Variants in ROCK2 observed in about 807,000 individuals in gnomAD.
The protein encoded by ROCK2 is Rho associated coiled-coil containing protein kinase 2.
In ROCK2, 61 loss-of-function variants were observed where a neutral mutation model predicts 195.1. The observed-to-expected ratio is 0.31, with a 90% CI of 0.25 to 0.39. The LOEUF (loss-of-function observed/expected upper bound fraction) is 0.39, where lower values mean the gene tolerates loss of function less well. Among genes scored for constraint, ROCK2 ranks in the 10% least tolerant of loss-of-function variants. The pLI is 1.00. For missense variants in ROCK2, 1,109 were observed against 1,637.4 expected (o/e 0.68, Z 5.57); for synonymous variants, 504 against 545.5 (o/e 0.92, Z 1.06).
At chr2:11,326,425 C>A (rs539815743) in intron 1 of ROCK2, among the ~76,000 whole-genome samples, 1 of 151,986 alleles carries the variant, frequency 6.6e-6, no homozygotes, top group Non-Finnish European at 1.5e-5. Context: ...GATCTTGGAG[C>A]GAGCAGTTTT....
At position 11,215,291 on chromosome 2, in the gene ROCK2, G is replaced by A. The variant is rs750939949; in HGVS notation, c.1689+30C>T. 9.2e-6 allele frequency: 14 copies of A among 1,520,406 alleles called. 1 individual carries two copies. The South Asian group carries it at 1.6e-4, about 17-fold the overall frequency. 94.2% of individuals were successfully genotyped at this position (1,520,406 alleles called of 1,614,324 possible). A position where few individuals can be genotyped will look rare whatever the true frequency, so the allele number is the denominator to read the frequency against. ...GTTATCGCGTTAAAAATAAAACCCA[G>A]TATCTTTACTACAAATTAGATCCAC... On this transcript the variant is annotated intron_variant, in intron 15 of 32. Coordinates refer to ENST00000315872, the MANE Select transcript of ROCK2 (RefSeq NM_004850.5).
At chr2:11,216,227 A>G (rs750481384) in intron 12 of ROCK2, 21 bp from the exon 13 acceptor site, 2 of 1,506,580 alleles carry the variant, frequency 1.3e-6, no homozygotes, top group Non-Finnish European at 9.2e-7. Context: ...TCAGAAAGAA[A>G]CAGTAAATAA....
chr2:11,211,194 G>A (rs966458921), intron 18 of ROCK2, among the ~76,000 whole-genome samples: 8 of 152,098 alleles, frequency 5.3e-5, no homozygotes, highest in Non-Finnish European at 1.0e-4. Flanking sequence ...CATCATGTTA[G>A]AGATCAAAAT....
chr2:11,283,430 G>A (rs537744475), intron 3 of ROCK2, among the ~76,000 whole-genome samples: 7 of 148,102 alleles, frequency 4.7e-5, no homozygotes, highest in African/African-American at 1.5e-4. Context: ...GCGCGGTGGC[G>A]GGCGCCTGTA....
At chr2:11,292,629 C>T (rs1473716633) in intron 1 of ROCK2, among the ~76,000 whole-genome samples, 1 of 152,154 alleles carries the variant, frequency 6.6e-6, no homozygotes, top group Non-Finnish European at 1.5e-5. Flanking sequence ...CAGTTAGTTA[C>T]AGAGCATAGG....
chr2:11,325,229 A>G (rs1668511924), intron 1 of ROCK2, among the ~76,000 whole-genome samples: 1 of 152,212 alleles, frequency 6.6e-6, no homozygotes. Context: ...ACCAAAGGCA[A>G]GGCTACTTTT....
chr2:11,330,745 GA>G (rs1668696841), intron 1 of ROCK2, among the ~76,000 whole-genome samples: 1 of 110,846 alleles, frequency 9.0e-6, no homozygotes, highest in Non-Finnish European at 2.0e-5. Flanking sequence ...GAGGAGGGAG[GA>G]GGGAGGAGGA....
chr2:11,296,460 A>G (rs1025810919), intron 1 of ROCK2, among the ~76,000 whole-genome samples: 2 of 152,194 alleles, frequency 1.3e-5, no homozygotes, highest in African/African-American at 4.8e-5. Context: ...GTTTGTCTAT[A>G]TGGTTTCCAC....
rs373738437 is a variant in ROCK2 at position 11,227,619 on chromosome 2, T to C, written c.724-221A>G. 1.6e-3 allele frequency among the ~76,000 whole-genome samples: 249 copies of C among 152,272 alleles called. 1 individual carries two copies. Among genetic ancestry groups the C allele is most frequent in the African/African-American group, 5.3e-3 (220 of 41,554 alleles). ...TAGGAATAAACTGTGAACTCTAAAA[T>C]ACAGGAGGCTTCCTCAATGAAAGAA... is the stretch of plus-strand genomic sequence containing the variant. On this transcript the variant is annotated intron_variant, in intron 5 of 32. Coordinates refer to ENST00000315872, the MANE Select transcript of ROCK2 (RefSeq NM_004850.5).
At chr2:11,288,535 CA>C (rs1667267645) in intron 1 of ROCK2, among the ~76,000 whole-genome samples, 1 of 152,138 alleles carries the variant, frequency 6.6e-6, no homozygotes, top group African/African-American at 2.4e-5. Flanking sequence ...TTGATTTCCT[CA>C]GGGTCATGAT....
intron 1 of ROCK2, among the ~76,000 whole-genome samples, chr2:11,326,976 C>A (rs1558396235): frequency 6.6e-6 from 1 of 152,028 alleles, no homozygotes; most frequent in Non-Finnish European, 1.5e-5. Flanking sequence ...TTAAAATAGC[C>A]CCTATGGAGA....
intron 20 of ROCK2, 57 bp from the exon 21 acceptor site, chr2:11,202,178 C>T: frequency 1.4e-6 from 2 of 1,406,120 alleles, no homozygotes; most frequent in Non-Finnish European, 2.0e-6. Flanking sequence ...AAACGAGCAG[C>T]TCTCAAAGTA....
intron 1 of ROCK2, among the ~76,000 whole-genome samples, chr2:11,329,953 T>C (rs764077312): frequency 1.3e-5 from 2 of 152,218 alleles, no homozygotes; most frequent in Non-Finnish European, 2.9e-5. Flanking sequence ...AGCATGAACA[T>C]GTCATAACTG....
rs1030523758 is a variant in ROCK2 at position 11,217,413 on chromosome 2, C to A, written c.1333-244G>T. ...TACTTATGTAACCATGCATAAGAAG[C>A]TCTAACTTTGGCAGAATTGTTCTAT... is the stretch of plus-strand genomic sequence containing the variant. On this transcript the variant is annotated intron_variant, in intron 11 of 32. Coordinates refer to ENST00000315872, the MANE Select transcript of ROCK2 (RefSeq NM_004850.5). The A allele has an allele frequency of 5.4e-6, 3 of 551,796 alleles. No homozygotes were observed. The African/African-American group carries it at 5.7e-5, about 10-fold the overall frequency. 34.2% of individuals were successfully genotyped at this position (551,796 alleles called of 1,614,324 possible). A position where few individuals can be genotyped will look rare whatever the true frequency, so the allele number is the denominator to read the frequency against.
At chr2:11,220,352 T>C (rs2148074365) in intron 9 of ROCK2, among the ~76,000 whole-genome samples, 1 of 152,168 alleles carries the variant, frequency 6.6e-6, no homozygotes, top group African/African-American at 2.4e-5. Flanking sequence ...TTCCACTTTG[T>C]TGCCTAGGCT....
intron 7 of ROCK2, among the ~76,000 whole-genome samples, chr2:11,223,861 T>C (rs1395156479): frequency 6.6e-6 from 1 of 152,176 alleles, no homozygotes; most frequent in African/African-American, 2.4e-5. Flanking sequence ...ATTTCCAGGA[T>C]AGTCTTGCTC....
rs1479606753 is a variant in ROCK2, at chr2:11,182,109, A to T, written c.*1328T>A. ...TCTGGGATCATGAGAATACGGCAAG[A>T]ATGTCCTGCGTAAACTGTAACTTTG... On this transcript the variant is annotated 3_prime_UTR_variant, in exon 33 of 33. Transcript: ENST00000315872. 6.6e-6 allele frequency: 1 copy of T among 152,220 alleles called. No individual in the cohort carries two copies. Among genetic ancestry groups the T allele is most frequent in the East Asian group, 1.9e-4 (1 of 5,200 alleles). 9.4% of individuals were successfully genotyped at this position (152,220 alleles called of 1,614,324 possible).
At chr2:11,279,306 C>G (rs1226957374) in intron 3 of ROCK2, among the ~76,000 whole-genome samples, 1 of 152,002 alleles carries the variant, frequency 6.6e-6, no homozygotes, top group Non-Finnish European at 1.5e-5. Context: ...AATATAAAGA[C>G]ACATATAGAT....
chr2:11,184,315 A>G (rs1663111828), intron 32 of ROCK2, among the ~76,000 whole-genome samples: 1 of 152,240 alleles, frequency 6.6e-6, no homozygotes, highest in African/African-American at 2.4e-5. Context: ...TTCACAAACT[A>G]ATATAGCTGT....
Sources: gnomAD v4.1 joint callset for allele counts (sites outside exome capture counted in the v4.1 genomes callset) on GRCh38, gnomAD v4.1.1 for gene constraint, MANE v1.5 for transcripts, NCBI Gene and HGNC (gene_info 2026-07-23, HGNC 2026-07-21) for gene names.